The following AKAP12 variants were observed in gnomAD, a reference collection of about 807,000 sequenced individuals.
The protein encoded by AKAP12 is A-kinase anchoring protein 12.
AKAP12 carries 32 observed loss-of-function variants against 79.9 expected under a neutral mutation model. The ratio of observed to expected loss-of-function variants is 0.40; its 90% CI spans 0.30 to 0.54. The LOEUF (loss-of-function observed/expected upper bound fraction) is 0.54. Ranked by LOEUF, AKAP12 falls within the 20% of genes least tolerant of loss-of-function variation. The pLI is 0.48. For synonymous variants in AKAP12, 808 were observed against 857.0 expected (o/e 0.94, Z 1.00); for missense variants, 2,074 against 2,177.0 (o/e 0.95, Z 0.94).
At chr6:151,246,365 C>T (rs1797075257) in intron 2 of AKAP12, among the ~76,000 whole-genome samples, 1 of 152,154 alleles carries the variant, frequency 6.6e-6, no homozygotes. Flanking sequence ...TTGCAGTGAG[C>T]TGAGATCTCA....
chr6:151,345,210 G>A (rs897476567), intron 3 of AKAP12, among the ~76,000 whole-genome samples: 1 of 151,588 alleles, frequency 6.6e-6, no homozygotes, highest in African/African-American at 2.4e-5. Context: ...TGAGTAGCTG[G>A]GATTACAGGC....
At chr6:151,312,076 T>C (rs560457510) in intron 3 of AKAP12, among the ~76,000 whole-genome samples, 10 of 152,340 alleles carry the variant, frequency 6.6e-5, no homozygotes, top group Non-Finnish European at 1.2e-4. Context: ...GAAGTGCCTG[T>C]CACCCACATT....
intron 2 of AKAP12, among the ~76,000 whole-genome samples, chr6:151,268,064 T>C (rs1258431655): frequency 1.3e-5 from 2 of 152,174 alleles, no homozygotes; most frequent in African/African-American, 4.8e-5. Context: ...ATTTTATCTT[T>C]TCCTTCTAAG....
intron 3 of AKAP12, among the ~76,000 whole-genome samples, chr6:151,345,882 G>C (rs1034226103): frequency 1.5e-5 from 2 of 130,528 alleles, no homozygotes; most frequent in African/African-American, 2.6e-5. Context: ...ATATGTGAAG[G>C]ATGTGTGTGT....
At position 151,320,341 on chromosome 6, in the gene AKAP12, C is replaced by T. The variant is rs150651907; in HGVS notation, c.319+14438C>T. 7.7e-3 allele frequency among the ~76,000 whole-genome samples: 1,162 copies of T among 151,728 alleles called. 19 individuals carry two copies. The highest frequency in any genetic ancestry group is 0.027 in the African/African-American group (1,112 of 41,348). On this transcript the variant is annotated intron_variant, in intron 3 of 4. Transcript: ENST00000402676. ...TGCTGTGTTGCCCAGGCTGGTCTCG[C>T]ACTCCTGGCCTCAAGCAATCCTCCC...
chr6:151,284,398 G>A (rs939950682), intron 2 of AKAP12, among the ~76,000 whole-genome samples: 2 of 152,184 alleles, frequency 1.3e-5, no homozygotes, highest in Non-Finnish European at 2.9e-5. Flanking sequence ...AGCCGAGGTG[G>A]AAGGATCGCT....
At position 151,349,055 on chromosome 6, in the gene AKAP12, G is replaced by C; in HGVS notation, c.664G>C (p.Ala222Pro). The change falls in exon 4 of 5, where the codon GCT becomes CCT. Residue 222 changes from alanine to proline, a missense_variant. Around this residue, in one of 3 missense-constraint regions of AKAP12, gnomAD observed 1,428 missense variants for 1,451.0 expected, o/e 0.98. Transcript: ENST00000402676. ...AGDHKDPSLG[A>P]GEAASKESEP... ...CGACCACAAGGACCCCAGCCTTGGG[G>C]CTGGAGAAGCAGCATCCAAAGAAAG... The C allele has an allele frequency of 1.9e-6, 3 of 1,612,650 alleles. No individual in the cohort carries two copies. Among genetic ancestry groups the C allele is most frequent in the East Asian group, 2.2e-5 (1 of 44,870 alleles).
intron 2 of AKAP12, among the ~76,000 whole-genome samples, chr6:151,297,376 A>C (rs1460402427): frequency 6.6e-6 from 1 of 151,848 alleles, no homozygotes; most frequent in Non-Finnish European, 1.5e-5. Flanking sequence ...GGAGTTTGAG[A>C]CCAGCCTGAC....
At chr6:151,315,939 A>G (rs1316670615) in intron 3 of AKAP12, among the ~76,000 whole-genome samples, 1 of 152,206 alleles carries the variant, frequency 6.6e-6, no homozygotes, top group Non-Finnish European at 1.5e-5. Context: ...ACTCACTATC[A>G]TGAGAACAGC....
chr6:151,270,748 G>T (rs1776164051), intron 2 of AKAP12, among the ~76,000 whole-genome samples: 1 of 151,912 alleles, frequency 6.6e-6, no homozygotes, highest in African/African-American at 2.4e-5. Flanking sequence ...ATCTCACTGT[G>T]GTTTTGATGT....
rs752028898 is a variant in AKAP12 at position 151,240,448 on chromosome 6, A to G, written c.-115A>G. 5.0e-5 allele frequency: 59 copies of G among 1,176,704 alleles called. No individual in the cohort carries two copies. Among genetic ancestry groups the G allele is most frequent in the East Asian group, 3.0e-4 (9 of 30,354 alleles). 72.9% of individuals were successfully genotyped at this position (1,176,704 alleles called of 1,614,324 possible). On this transcript the variant is annotated 5_prime_UTR_variant, in exon 2 of 5. Transcript: ENST00000402676. The stretch of plus-strand genomic sequence containing the variant: ...GCGCGTTCGCAGTCGGCTGGCGGCG[A>G]AGGAAGGCGCTCTCGGGACCTCGCG...
chr6:151,329,145 C>A (rs904979490), intron 3 of AKAP12, among the ~76,000 whole-genome samples: 17 of 151,656 alleles, frequency 1.1e-4, no homozygotes, highest in African/African-American at 4.1e-4. Context: ...GATGAAGTCT[C>A]ACTCTGTCAC....
At chr6:151,342,051 G>A (rs1328300040) in intron 3 of AKAP12, among the ~76,000 whole-genome samples, 4 of 152,210 alleles carry the variant, frequency 2.6e-5, no homozygotes, top group Admixed American at 1.3e-4. Context: ...AAGGGGAGTC[G>A]GGGGGTTGGA....
chr6:151,271,148 C>T (rs1776171624), intron 2 of AKAP12, among the ~76,000 whole-genome samples: 1 of 152,060 alleles, frequency 6.6e-6, no homozygotes, highest in Non-Finnish European at 1.5e-5. Flanking sequence ...AGGTCAGAAT[C>T]TTTTTGCCAT....
At chr6:151,252,560 A>G (rs1034153381) in intron 2 of AKAP12, among the ~76,000 whole-genome samples, 1 of 151,774 alleles carries the variant, frequency 6.6e-6, no homozygotes, top group African/African-American at 2.4e-5. Flanking sequence ...GGCTATGGAG[A>G]AGTGCAGGTG....
intron 3 of AKAP12, chr6:151,324,552 C>T: frequency 4.1e-6 from 4 of 985,408 alleles, no homozygotes; most frequent in Non-Finnish European, 4.8e-6. Flanking sequence ...GGCTCCCCTC[C>T]CTCCTCCCTG....
Position 151,321,043 on chromosome 6 carries a change from A to G in AKAP12, c.319+15140A>G, listed in dbSNP as rs560628924. 2.1e-4 allele frequency among the ~76,000 whole-genome samples: 32 copies of G among 151,366 alleles called. No individual in the cohort carries two copies. In the Middle Eastern group the frequency reaches 0.01, roughly 49 times the overall value. On this transcript the variant is annotated intron_variant, in intron 3 of 4. Transcript: ENST00000402676. ...GCTCTGTTGCCCAGGCTGGAGTGCA[A>G]TGACGCGATCTCAGCTCACTGCAAC...
chr6:151,254,097 G>C (rs1411233235), intron 2 of AKAP12, among the ~76,000 whole-genome samples: 1 of 152,038 alleles, frequency 6.6e-6, no homozygotes, highest in Non-Finnish European at 1.5e-5. Flanking sequence ...TTTTGTTCTT[G>C]TTCTGCTCTG....
intron 3 of AKAP12, among the ~76,000 whole-genome samples, chr6:151,311,549 T>G (rs1777102109): frequency 6.6e-6 from 1 of 151,370 alleles, no homozygotes; most frequent in South Asian, 2.1e-4. Context: ...ACAAAAACCC[T>G]CAAAATGCTG....
Sources: allele counts gnomAD v4.1 joint callset (sites outside exome capture counted in the v4.1 genomes callset), GRCh38; gene constraint gnomAD v4.1.1; regional missense constraint gnomAD v4.1.1; transcripts MANE v1.5; gene names NCBI Gene and HGNC (gene_info 2026-07-23, HGNC 2026-07-21).